SHTN1: variants seen among roughly 807,000 people sequenced by gnomAD.
The protein encoded by SHTN1 is shootin 1.
A neutral mutation model predicts 83.1 loss-of-function variants in SHTN1; 42 were observed. The observed-to-expected ratio is 0.51, with a 90% CI of 0.39 to 0.65. The LOEUF (loss-of-function observed/expected upper bound fraction) is 0.65. Ranked by LOEUF, SHTN1 falls within the 30% of genes least tolerant of loss-of-function variation. The pLI, the probability that SHTN1 is intolerant of heterozygous loss-of-function variation, is 0.00. For synonymous variants in SHTN1, 224 were observed against 247.7 expected (o/e 0.90, Z 0.90); for missense variants, 622 against 737.8 (o/e 0.84, Z 1.82).
chr10:116,891,033 C>T (rs1258623797), intron 16 of SHTN1, among the ~76,000 whole-genome samples: 2 of 152,082 alleles, frequency 1.3e-5, no homozygotes, highest in African/African-American at 4.8e-5. Context: ...CCAAAAGAGC[C>T]CTAATAGACG....
chr10:117,027,213 T>A (rs1176687989), intron 2 of SHTN1, among the ~76,000 whole-genome samples: 1 of 151,694 alleles, frequency 6.6e-6, no homozygotes, highest in East Asian at 1.9e-4. Context: ...TGGTTGGAGG[T>A]GACTGGCTCA....
intron 1 of SHTN1, among the ~76,000 whole-genome samples, chr10:116,990,136 G>GA (rs954319972): frequency 1.3e-5 from 2 of 151,696 alleles, no homozygotes; most frequent in Non-Finnish European, 2.9e-5. Flanking sequence ...AGATTGGCAG[G>GA]AAAAAAAATT....
At position 117,068,774 on chromosome 10, in the gene SHTN1, T is replaced by C. The variant is rs143143507; in HGVS notation, c.-188-20264A>G. On this transcript the variant is annotated intron_variant, in intron 1 of 17. Transcript: ENST00000392901. ...AAATGTATATTGAAATATTTACAAA[T>C]ATTTACAGGTGCAGTGACATGATGG... Among the ~76,000 whole-genome samples the C allele has an allele frequency of 3.9e-3, 590 of 152,298 alleles. 5 individuals are homozygous for C. The highest frequency in any genetic ancestry group is 0.013 in the African/African-American group (557 of 41,544).
At chr10:116,973,497 ACTG>A in intron 2 of SHTN1, among the ~76,000 whole-genome samples, 1 of 152,204 alleles carries the variant, frequency 6.6e-6, no homozygotes, top group Admixed American at 6.5e-5. Flanking sequence ...TCCTCTGAGA[ACTG>A]AACAAATTTA....
intron 1 of SHTN1, among the ~76,000 whole-genome samples, chr10:116,999,442 TACA>T (rs1347543841): frequency 4.6e-5 from 7 of 152,180 alleles, no homozygotes; most frequent in Non-Finnish European, 1.0e-4. Context: ...TCTTGGATAT[TACA>T]ATGGCTTATG....
At chr10:116,933,139 A>G (rs1336762455) in intron 9 of SHTN1, among the ~76,000 whole-genome samples, 3 of 151,986 alleles carry the variant, frequency 2.0e-5, no homozygotes, top group African/African-American at 7.2e-5. Flanking sequence ...CTACATATAT[A>G]TCAACATTTC....
intron 9 of SHTN1, among the ~76,000 whole-genome samples, chr10:116,939,640 T>C (rs985702430): frequency 2.6e-5 from 4 of 152,204 alleles, no homozygotes; most frequent in Admixed American, 2.0e-4. Context: ...ACATTTCTTA[T>C]TGAGGCAAAA....
intron 12 of SHTN1, among the ~76,000 whole-genome samples, 179 bp from the exon 13 acceptor site, chr10:116,915,663 AC>A: frequency 6.6e-6 from 1 of 152,286 alleles, no homozygotes; most frequent in African/African-American, 2.4e-5. Flanking sequence ...TAAAGAAAAA[AC>A]TTTTAGAGAA....
chr10:117,062,543 A>G (rs1196941353), intron 1 of SHTN1, among the ~76,000 whole-genome samples: 1 of 152,224 alleles, frequency 6.6e-6, no homozygotes, highest in African/African-American at 2.4e-5. Context: ...AAATGTCAGC[A>G]AGGCCATTTA....
In SHTN1 at chr10:116,886,345, C is replaced by T; in HGVS notation, c.1895G>A (p.Ter632=). ...NVRETDSSNC[*] is the part of the protein sequence containing the mutation. ...CATGTCAGGCTTCTGGTTTATGGAT[C>T]AGCAGTTGGAGCTGTCTGTCTCTCT... The change falls in exon 17 of 17, where the codon TGA becomes TAA. Residue 632 remains the stop codon, a stop_retained_variant. Coordinates refer to ENST00000355371, the MANE Select transcript of SHTN1 (RefSeq NM_001127211.3). The T allele has an allele frequency of 1.9e-6, 3 of 1,552,818 alleles. No homozygotes were observed. Among genetic ancestry groups the T allele is most frequent in the Non-Finnish European group, 2.6e-6 (3 of 1,147,338 alleles).
intron 3 of SHTN1, among the ~76,000 whole-genome samples, chr10:116,967,254 G>A (rs188363159): frequency 2.2e-4 from 34 of 152,246 alleles, no homozygotes; most frequent in Non-Finnish European, 4.0e-4. Context: ...GATCAGCTAT[G>A]CTGTCTTAGG....
At chr10:117,109,466 T>A (rs1305980919) in intron 1 of SHTN1, among the ~76,000 whole-genome samples, 1 of 151,998 alleles carries the variant, frequency 6.6e-6, no homozygotes, top group South Asian at 2.1e-4. Context: ...TAACAGTGGT[T>A]TTCTCTGAGT....
chr10:117,093,157 T>C (rs1853457846), intron 1 of SHTN1, among the ~76,000 whole-genome samples: 2 of 152,124 alleles, frequency 1.3e-5, no homozygotes, highest in South Asian at 4.1e-4. Flanking sequence ...ACTACCATCA[T>C]CCCATATTAC....
chr10:116,926,125 CACAAAT>C (rs1199565518), intron 11 of SHTN1, among the ~76,000 whole-genome samples: 13 of 152,062 alleles, frequency 8.5e-5, no homozygotes, highest in African/African-American at 2.9e-4. Context: ...ACACTTGAGA[CACAAAT>C]AGTCCTGAAC....
At chr10:117,086,377 T>C (rs146127700) in intron 1 of SHTN1, among the ~76,000 whole-genome samples, 2 of 152,372 alleles carry the variant, frequency 1.3e-5, no homozygotes, top group East Asian at 3.9e-4. Context: ...GGGTCTTGTT[T>C]GCTTTATTTT....
chr10:117,021,124 G>A (rs1324106517), intron 2 of SHTN1, among the ~76,000 whole-genome samples: 1 of 152,228 alleles, frequency 6.6e-6, no homozygotes, highest in African/African-American at 2.4e-5. Context: ...TGTAATCCCA[G>A]CACTTTGGGA....
rs1848203145 is a variant in SHTN1 at position 116,911,653 on chromosome 10, C to A, written c.1359+137G>T. 7 of 1,566,538 alleles carry A rather than the reference C, an allele frequency of 4.5e-6. No individual in the cohort carries two copies. The South Asian group carries it at 8.1e-5, about 18-fold the overall frequency. On this transcript the variant is annotated intron_variant, in intron 14 of 16. Coordinates refer to ENST00000355371, the MANE Select transcript of SHTN1 (RefSeq NM_001127211.3). The stretch of plus-strand genomic sequence containing the variant: ...TGATGGAGCAGTCTGTAAGCACGAT[C>A]AAATAAACTGGCCAAAGATGAGGCT...
At chr10:117,040,953 ATTT>A (rs987434444) in intron 2 of SHTN1, among the ~76,000 whole-genome samples, 17 of 151,700 alleles carry the variant, frequency 1.1e-4, no homozygotes, top group Middle Eastern at 3.4e-3. Context: ...TTATCTTAAA[ATTT>A]TTTTATTATA....
chr10:117,005,368 G>T, upstream of SHTN1: 1 of 1,222,956 alleles, frequency 8.2e-7, no homozygotes, highest in Non-Finnish European at 1.0e-6. Context: ...GCCAGCCTGT[G>T]GCTGCCGGCG....
Sources: allele counts gnomAD v4.1 joint callset (sites outside exome capture counted in the v4.1 genomes callset), GRCh38; gene constraint gnomAD v4.1.1; transcripts MANE v1.5; gene names NCBI Gene and HGNC (gene_info 2026-07-23, HGNC 2026-07-21).